CDH20: variants seen among roughly 807,000 people sequenced by gnomAD.
CDH20 encodes cadherin-20.
Under a neutral mutation model 74.2 loss-of-function variants are expected in CDH20, and 29 were observed. That is an observed-to-expected ratio of 0.39 (90% CI 0.29 to 0.53). The LOEUF (loss-of-function observed/expected upper bound fraction) is 0.53, where lower values mean the gene tolerates loss of function less well. CDH20 is among the 20% of genes least tolerant of loss of function. CDH20 has a pLI of 0.69. For missense variants in CDH20, 988 were observed against 1,048.3 expected (o/e 0.94, Z 0.79); for synonymous variants, 469 against 405.4 (o/e 1.16, Z -1.88).
At position 61,520,234 on chromosome 18, in the gene CDH20, T is replaced by C. The variant is rs998058727; in HGVS notation, c.1018-7733T>C. 2.8e-5 allele frequency among the ~76,000 whole-genome samples: 4 copies of C among 142,816 alleles called. 1 individual carries two copies. Among genetic ancestry groups the C allele is most frequent in the African/African-American group, 1.1e-4 (4 of 37,878 alleles). 93.7% of individuals were successfully genotyped at this position (142,816 alleles called of 152,430 possible). A position where few individuals can be genotyped will look rare whatever the true frequency, so the allele number is the denominator to read the frequency against. Reference sequence around the variant, plus strand: ...GGGAGGCTGAGGCAGGAGAATGGCGTGAACCTGGGAGGCGGAGCTTGCAGT... The same window carrying C: ...GGGAGGCTGAGGCAGGAGAATGGCGCGAACCTGGGAGGCGGAGCTTGCAGT... On this transcript the variant is annotated intron_variant, in intron 6 of 11. Coordinates refer to ENST00000262717, the MANE Select transcript of CDH20 (RefSeq NM_031891.4).
intron 1 of CDH20, among the ~76,000 whole-genome samples, chr18:61,376,673 G>A (rs917778251): frequency 3.3e-5 from 5 of 152,154 alleles, no homozygotes; most frequent in African/African-American, 9.7e-5. Context: ...TGGGATTATT[G>A]ATGAGAAAAG....
chr18:61,495,610 G>A (rs1911109200), intron 2 of CDH20, among the ~76,000 whole-genome samples: 1 of 152,160 alleles, frequency 6.6e-6, no homozygotes, highest in African/African-American at 2.4e-5. Flanking sequence ...CGAAGCTCCT[G>A]CGGCCCCAGC....
chr18:61,409,706 A>G (rs1912435372), intron 1 of CDH20, among the ~76,000 whole-genome samples: 1 of 152,210 alleles, frequency 6.6e-6, no homozygotes, highest in South Asian at 2.1e-4. Flanking sequence ...CCCTGTCCTG[A>G]GTCCTTAAGT....
At chr18:61,416,974 G>A (rs889527599) in intron 1 of CDH20, among the ~76,000 whole-genome samples, 8 of 152,010 alleles carry the variant, frequency 5.3e-5, no homozygotes, top group African/African-American at 1.9e-4. Context: ...GGTTTAAAAG[G>A]GAAAATATAA....
At chr18:61,342,008 A>T (rs1418526368) in intron 1 of CDH20, among the ~76,000 whole-genome samples, 2 of 152,170 alleles carry the variant, frequency 1.3e-5, no homozygotes, top group Non-Finnish European at 2.9e-5. Flanking sequence ...ATATTAATCC[A>T]TTTGGCAGTT....
intron 7 of CDH20, among the ~76,000 whole-genome samples, chr18:61,529,272 G>A (rs1020487633): frequency 1.3e-5 from 2 of 152,110 alleles, no homozygotes; most frequent in South Asian, 2.1e-4. Flanking sequence ...TAAACATACC[G>A]CACTTTATCA....
chr18:61,504,643 A>C (rs1406599043), intron 5 of CDH20, among the ~76,000 whole-genome samples: 2 of 152,122 alleles, frequency 1.3e-5, no homozygotes, highest in African/African-American at 4.8e-5. Flanking sequence ...AGCGGGAGAA[A>C]TGAGAGCAGG....
rs75291299 is a variant in CDH20 at position 61,347,155 on chromosome 18, C to A, written c.-153+13328C>A. On this transcript the variant is annotated intron_variant, in intron 1 of 11. Transcript: ENST00000262717. Reference sequence around the variant, plus strand: ...TTGCCAACAAATGTTAACTATCAAACACACAAAAACAGGCCAGGCTCAGTG... The same window carrying A: ...TTGCCAACAAATGTTAACTATCAAAAACACAAAAACAGGCCAGGCTCAGTG... 9.1e-3 allele frequency among the ~76,000 whole-genome samples: 1,365 copies of A among 150,816 alleles called. 21 individuals carry two copies. The highest frequency in any genetic ancestry group is 0.032 in the African/African-American group (1,308 of 41,030).
chr18:61,533,034 T>C (rs938067396), intron 7 of CDH20, among the ~76,000 whole-genome samples: 9 of 152,178 alleles, frequency 5.9e-5, no homozygotes, highest in Non-Finnish European at 1.3e-4. Flanking sequence ...TAATCCCCAC[T>C]ACTTGGGAGA....
chr18:61,443,401 G>C (rs2144322501), intron 1 of CDH20, among the ~76,000 whole-genome samples: 1 of 152,268 alleles, frequency 6.6e-6, no homozygotes, highest in South Asian at 2.1e-4. Context: ...ATGATGAAGA[G>C]CTATTGAAAA....
chr18:61,424,828 A>T (rs12960255), intron 1 of CDH20, among the ~76,000 whole-genome samples: 33,634 of 152,102 alleles, frequency 0.22, 4,063 homozygotes, highest in Middle Eastern at 0.34. Context: ...ACAATAAAAA[A>T]TATGAAATAA....
At chr18:61,390,422 A>T (rs1911741757) in intron 1 of CDH20, among the ~76,000 whole-genome samples, 1 of 152,198 alleles carries the variant, frequency 6.6e-6, no homozygotes, top group Admixed American at 6.6e-5. Context: ...CAAACGTAAA[A>T]ATGTAATTTA....
intron 1 of CDH20, among the ~76,000 whole-genome samples, chr18:61,418,955 G>C (rs1465379391): frequency 1.3e-5 from 2 of 152,008 alleles, no homozygotes; most frequent in East Asian, 1.9e-4. Flanking sequence ...ATTTGAATTT[G>C]ATAAATCTTG....
intron 1 of CDH20, among the ~76,000 whole-genome samples, chr18:61,457,644 G>A (rs1386025935): frequency 6.6e-6 from 1 of 152,108 alleles, no homozygotes; most frequent in African/African-American, 2.4e-5. Flanking sequence ...TCTCAGACTT[G>A]TTGGAAGGAT....
chr18:61,494,736 G>A (rs1911071666), intron 2 of CDH20, among the ~76,000 whole-genome samples: 1 of 152,110 alleles, frequency 6.6e-6, no homozygotes. Flanking sequence ...CCAGGGACAA[G>A]GCAGTGTCAA....
At chr18:61,449,616 G>C (rs1909315325) in intron 1 of CDH20, among the ~76,000 whole-genome samples, 2 of 152,180 alleles carry the variant, frequency 1.3e-5, no homozygotes. Flanking sequence ...TCCACTTACA[G>C]AGAATATCAA....
chr18:61,518,491 C>T (rs1912083784), intron 6 of CDH20, among the ~76,000 whole-genome samples: 1 of 144,466 alleles, frequency 6.9e-6, no homozygotes, highest in African/African-American at 2.8e-5. Flanking sequence ...CTGGAGCGGA[C>T]CTCCAGCAAA....
chr18:61,415,131 A>C (rs1168996458), intron 1 of CDH20, among the ~76,000 whole-genome samples: 3 of 152,178 alleles, frequency 2.0e-5, no homozygotes, highest in African/African-American at 4.8e-5. Flanking sequence ...GCTATATTCT[A>C]GCATTTTTAT....
At chr18:61,424,305 A>G (rs145006096) in intron 1 of CDH20, among the ~76,000 whole-genome samples, 12 of 152,352 alleles carry the variant, frequency 7.9e-5, no homozygotes, top group Non-Finnish European at 1.5e-4. Flanking sequence ...TCACCAGCAG[A>G]CTTAATCAAC....
Sources: gnomAD v4.1 joint callset for allele counts (sites outside exome capture counted in the v4.1 genomes callset) on GRCh38, gnomAD v4.1.1 for gene constraint, MANE v1.5 for transcripts, NCBI Gene and HGNC (gene_info 2026-07-23, HGNC 2026-07-21) for gene names.